MYO5A: variants seen among roughly 807,000 people sequenced by gnomAD.
MYO5A encodes the protein unconventional myosin-Va.
Under a neutral mutation model 249.7 loss-of-function variants are expected in MYO5A, and 98 were observed. The ratio of observed to expected loss-of-function variants is 0.39; its 90% CI spans 0.33 to 0.46. The LOEUF is 0.46. Ranked by LOEUF, MYO5A falls within the 20% of genes least tolerant of loss-of-function variation. The pLI is 0.98. For synonymous variants in MYO5A, 778 were observed against 810.6 expected, an observed-to-expected ratio of 0.96 and a Z score of 0.68; for missense variants, 1,696 against 2,308.8, an observed-to-expected ratio of 0.73 and a Z score of 5.44.
At position 52,508,538 on chromosome 15, in the gene MYO5A, T is replaced by C. The variant is rs1270807232; in HGVS notation, c.27+20242A>G. Among the ~76,000 whole-genome samples, 6 of 152,220 alleles carry C rather than the reference T, an allele frequency of 3.9e-5. No homozygotes were observed. In the East Asian group the frequency reaches 7.7e-4, roughly 20 times the overall value. On this transcript the variant is annotated intron_variant, in intron 1 of 41. Coordinates refer to ENST00000399233, the MANE Select transcript of MYO5A (RefSeq NM_001382347.1). Reference sequence around the variant, plus strand: ...CTCCTTTGTTTCATCTACTGTGAGTTTGCTACCTCCATAGCACACTGGCCA... The same window carrying C: ...CTCCTTTGTTTCATCTACTGTGAGTCTGCTACCTCCATAGCACACTGGCCA...
At chr15:52,419,165 G>T (rs888320586) in intron 4 of MYO5A, among the ~76,000 whole-genome samples, 2 of 152,176 alleles carry the variant, frequency 1.3e-5, no homozygotes, top group African/African-American at 4.8e-5. Flanking sequence ...GTACCTTGAT[G>T]AAGTGTACAT....
intron 1 of MYO5A, among the ~76,000 whole-genome samples, chr15:52,441,575 C>G (rs780235956): frequency 6.6e-6 from 1 of 152,204 alleles, no homozygotes; most frequent in Admixed American, 6.5e-5. Flanking sequence ...ACTTGTAAGC[C>G]TTTGCTGTAG....
intron 18 of MYO5A, among the ~76,000 whole-genome samples, chr15:52,376,835 G>A (rs985334959): frequency 5.9e-5 from 9 of 152,140 alleles, no homozygotes; most frequent in African/African-American, 1.9e-4. Flanking sequence ...GTTATAGGCA[G>A]TTATTATTTG....
At chr15:52,338,760 T>C (rs2039242268) in intron 32 of MYO5A, among the ~76,000 whole-genome samples, 1 of 152,168 alleles carries the variant, frequency 6.6e-6, no homozygotes, top group East Asian at 1.9e-4. Context: ...AAAATTAATA[T>C]TGCAAACAAG....
At chr15:52,381,399 G>C (rs1490135458) in intron 16 of MYO5A, among the ~76,000 whole-genome samples, 1 of 152,136 alleles carries the variant, frequency 6.6e-6, no homozygotes, top group Non-Finnish European at 1.5e-5. Flanking sequence ...CACGGGGGTA[G>C]GGAAAAGGGC....
intron 33 of MYO5A, 44 bp from the exon 34 acceptor site, chr15:52,336,600 C>T (rs1043284286): frequency 1.0e-5 from 14 of 1,400,008 alleles, no homozygotes; most frequent in Non-Finnish European, 1.4e-5. Flanking sequence ...TCGAAACAGG[C>T]CTTCTAAAAT....
chr15:52,315,617 G>C (rs1243555208), intron 40 of MYO5A, among the ~76,000 whole-genome samples: 2 of 150,748 alleles, frequency 1.3e-5, no homozygotes, highest in Non-Finnish European at 1.5e-5. Flanking sequence ...CAGGTGATCT[G>C]TCTGCCTCAG....
At chr15:52,521,867 G>A (rs565851410) in intron 1 of MYO5A, among the ~76,000 whole-genome samples, 1 of 152,192 alleles carries the variant, frequency 6.6e-6, no homozygotes, top group Admixed American at 6.5e-5. Context: ...AAGACAGATG[G>A]GGAAGAGGAA....
intron 32 of MYO5A, among the ~76,000 whole-genome samples, chr15:52,339,662 C>T (rs1330643715): frequency 6.6e-6 from 1 of 152,190 alleles, no homozygotes; most frequent in Non-Finnish European, 1.5e-5. Flanking sequence ...AATATGTAAA[C>T]CTGAATCCTA....
At chr15:52,382,927 G>GA (rs2041817606) in intron 16 of MYO5A, among the ~76,000 whole-genome samples, 164 bp downstream of exon 16, 1 of 152,108 alleles carries the variant, frequency 6.6e-6, no homozygotes. Context: ...GACAAAAACT[G>GA]AAAAAATAAT....
intron 3 of MYO5A, 93 bp downstream of exon 3, chr15:52,428,305 C>G (rs1172801454): frequency 7.4e-7 from 1 of 1,355,114 alleles, no homozygotes. Context: ...GAAAATCCAA[C>G]CACAGCCTGC....
At chr15:52,425,093 G>C (rs1164493485) in intron 4 of MYO5A, among the ~76,000 whole-genome samples, 1 of 152,016 alleles carries the variant, frequency 6.6e-6, no homozygotes, top group Non-Finnish European at 1.5e-5. Flanking sequence ...CATCTTGAAA[G>C]AAAAAAATTT....
intron 12 of MYO5A, 142 bp downstream of exon 12, chr15:52,391,788 C>T: frequency 3.7e-6 from 3 of 805,936 alleles, no homozygotes; most frequent in Non-Finnish European, 6.0e-6. Flanking sequence ...TCTAGTGTCC[C>T]TTTGGAATGA....
chr15:52,479,098 C>T (rs768598864), intron 1 of MYO5A, among the ~76,000 whole-genome samples: 1 of 151,942 alleles, frequency 6.6e-6, no homozygotes, highest in Non-Finnish European at 1.5e-5. Context: ...TGGGTTCAAG[C>T]AATTCTCCTG....
At chr15:52,415,075 C>T (rs1669857) in intron 5 of MYO5A, among the ~76,000 whole-genome samples, 1 of 152,166 alleles carries the variant, frequency 6.6e-6, no homozygotes, top group African/African-American at 2.4e-5. Context: ...GCATTCTGTT[C>T]TGAAGTGTCA....
At chr15:52,518,984 C>T in intron 1 of MYO5A, among the ~76,000 whole-genome samples, 1 of 152,026 alleles carries the variant, frequency 6.6e-6, no homozygotes, top group South Asian at 2.1e-4. Context: ...TGTATATATA[C>T]TTCGTTATAA....
At chr15:52,433,766 C>T (rs369838632) in intron 1 of MYO5A, among the ~76,000 whole-genome samples, 45 of 152,146 alleles carry the variant, frequency 3.0e-4, no homozygotes, top group African/African-American at 1.0e-3. Flanking sequence ...TTTTAGCTCT[C>T]ATAGCACCAC....
At chr15:52,378,453 G>A (rs951175741) in intron 18 of MYO5A, among the ~76,000 whole-genome samples, 3 of 139,570 alleles carry the variant, frequency 2.1e-5, no homozygotes, top group African/African-American at 7.8e-5. Context: ...CCCACGAGGC[G>A]GAGGTTGCAG....
Position 52,360,068 on chromosome 15 carries a change from G to A in MYO5A, c.3323C>T (p.Pro1108Leu). The A allele has an allele frequency of 6.2e-7, 1 of 1,612,262 alleles. No homozygotes were observed. ...EMTLMVHVPK[P>L]GHKRTDSTHS... is the part of the protein sequence containing the mutation. Reference sequence around the variant, plus strand: ...GGTGGAGTCTGTTCTCTTGTGTCCAGGCTTAGGCACATGCTGCAAGGCAAA... The same window carrying A: ...GGTGGAGTCTGTTCTCTTGTGTCCAAGCTTAGGCACATGCTGCAAGGCAAA... The change falls in exon 25 of 42, where the codon CCT becomes CTT. Residue 1108 changes from proline (P) to leucine (L), a missense_variant. Around this residue, in one of 5 missense-constraint regions of MYO5A, gnomAD observed 412 missense variants for 453.3 expected, o/e 0.91. Transcript: ENST00000399233.
Sources: allele counts gnomAD v4.1 joint callset (sites outside exome capture counted in the v4.1 genomes callset), GRCh38; gene constraint gnomAD v4.1.1; regional missense constraint gnomAD v4.1.1; transcripts MANE v1.5; gene names NCBI Gene and HGNC (gene_info 2026-07-23, HGNC 2026-07-21).